The following CHCHD3 variants were observed in gnomAD, a reference collection of about 807,000 sequenced individuals.
CHCHD3 encodes the protein coiled-coil-helix-coiled-coil-helix domain containing 3, also known as MICOS complex subunit MIC19.
In CHCHD3, 20 loss-of-function variants were observed where a neutral mutation model predicts 38.2. The observed-to-expected ratio is 0.52, with a 90% CI of 0.37 to 0.76. CHCHD3 has a LOEUF of 0.76. Ranked by LOEUF, CHCHD3 falls within the 30% of genes least tolerant of loss-of-function variation. The probability of loss-of-function intolerance (pLI) is 0.00; values close to 1 mark genes in which losing one functional copy is unlikely to be tolerated. For synonymous variants in CHCHD3, 82 were observed against 100.0 expected, an observed-to-expected ratio of 0.82 and a Z score of 1.07; for missense variants, 245 against 279.2, an observed-to-expected ratio of 0.88 and a Z score of 0.87.
intron 3 of CHCHD3, among the ~76,000 whole-genome samples, chr7:132,982,731 TG>T (rs1260290531): frequency 6.6e-6 from 1 of 152,214 alleles, no homozygotes; most frequent in Non-Finnish European, 1.5e-5. Context: ...ATATTTCGGA[TG>T]AAAAGCTGAG....
chr7:132,854,923 G>A (rs1467683254), intron 5 of CHCHD3, among the ~76,000 whole-genome samples: 1 of 152,184 alleles, frequency 6.6e-6, no homozygotes, highest in South Asian at 2.1e-4. Flanking sequence ...TAGGAGAGCT[G>A]GTTGAGTCTT....
intron 6 of CHCHD3, among the ~76,000 whole-genome samples, chr7:132,806,274 G>A (rs946431089): frequency 8.5e-5 from 13 of 152,206 alleles, no homozygotes; most frequent in African/African-American, 3.1e-4. Context: ...CAGAGAGCGT[G>A]AGGCAGAAGC....
intron 5 of CHCHD3, among the ~76,000 whole-genome samples, chr7:132,864,104 G>A (rs1423054581): frequency 2.6e-5 from 4 of 152,156 alleles, no homozygotes. Flanking sequence ...GGTGCAAACG[G>A]CACAGCTTTT....
At chr7:132,817,527 G>GAGCT (rs1807230720) in intron 6 of CHCHD3, among the ~76,000 whole-genome samples, 1 of 152,110 alleles carries the variant, frequency 6.6e-6, no homozygotes. Context: ...CCACTACTTG[G>GAGCT]AGCTATTGCA....
At chr7:132,990,429 A>G (rs556794308) in intron 3 of CHCHD3, among the ~76,000 whole-genome samples, 10 of 152,278 alleles carry the variant, frequency 6.6e-5, no homozygotes, top group African/African-American at 2.4e-4. Context: ...TCATAAGCCA[A>G]CTATCAACTC....
intron 3 of CHCHD3, among the ~76,000 whole-genome samples, chr7:133,012,414 T>A (rs891135027): frequency 1.3e-5 from 2 of 152,164 alleles, no homozygotes; most frequent in African/African-American, 4.8e-5. Flanking sequence ...CAATCTAAAT[T>A]TCTTATTTAT....
chr7:132,802,782 T>C (rs1013857299), intron 6 of CHCHD3, among the ~76,000 whole-genome samples: 2 of 152,160 alleles, frequency 1.3e-5, no homozygotes, highest in Admixed American at 1.3e-4. Context: ...ATGAACTCAA[T>C]CTGGAAGGAC....
chr7:133,024,014 T>C (rs1308029357), intron 3 of CHCHD3, among the ~76,000 whole-genome samples: 1 of 152,208 alleles, frequency 6.6e-6, no homozygotes, highest in East Asian at 1.9e-4. Context: ...TCTCGAGCAA[T>C]AAAATGTTAA....
At chr7:132,979,342 C>T (rs188215036) in intron 3 of CHCHD3, among the ~76,000 whole-genome samples, 2 of 152,078 alleles carry the variant, frequency 1.3e-5, no homozygotes, top group African/African-American at 4.8e-5. Flanking sequence ...AAACTACACA[C>T]TGGAATTCAT....
At chr7:132,923,648 A>T (rs537884352) in intron 4 of CHCHD3, among the ~76,000 whole-genome samples, 1 of 152,302 alleles carries the variant, frequency 6.6e-6, no homozygotes, top group East Asian at 1.9e-4. Flanking sequence ...ATAAAATAGT[A>T]CAACAAATCA....
At chr7:133,040,421 C>T (rs1053692262) in intron 2 of CHCHD3, among the ~76,000 whole-genome samples, 1 of 152,084 alleles carries the variant, frequency 6.6e-6, no homozygotes, top group African/African-American at 2.4e-5. Flanking sequence ...GGGAGGGGTA[C>T]CCTTCCAGTA....
At chr7:132,901,460 GAGGCAA>G (rs1809665515) in intron 4 of CHCHD3, among the ~76,000 whole-genome samples, 1 of 152,194 alleles carries the variant, frequency 6.6e-6, no homozygotes, top group South Asian at 2.1e-4. Flanking sequence ...AAGCCACCCT[GAGGCAA>G]AGGCAAAGGC....
chr7:133,048,336 C>A (rs759602624), intron 2 of CHCHD3, among the ~76,000 whole-genome samples: 1 of 152,092 alleles, frequency 6.6e-6, no homozygotes, highest in Non-Finnish European at 1.5e-5. Context: ...TAATTTTAAT[C>A]CATCATTGAG....
At chr7:132,981,539 C>T (rs1811918735) in intron 3 of CHCHD3, among the ~76,000 whole-genome samples, 1 of 152,172 alleles carries the variant, frequency 6.6e-6, no homozygotes, top group African/African-American at 2.4e-5. Flanking sequence ...GTGTATACTA[C>T]ACTAAGTCAG....
intron 2 of CHCHD3, among the ~76,000 whole-genome samples, chr7:133,053,644 T>A (rs920324555): frequency 2.6e-5 from 4 of 152,218 alleles, no homozygotes; most frequent in African/African-American, 9.6e-5. Flanking sequence ...AAGACGTTAA[T>A]CTGAAGCATC....
At chr7:132,860,281 T>C (rs1446357913) in intron 5 of CHCHD3, among the ~76,000 whole-genome samples, 1 of 142,434 alleles carries the variant, frequency 7.0e-6, no homozygotes. Context: ...ATAAACAGAT[T>C]TTTTTTTATA....
At chr7:133,007,955 T>C (rs548979380) in intron 3 of CHCHD3, among the ~76,000 whole-genome samples, 18 of 152,240 alleles carry the variant, frequency 1.2e-4, no homozygotes, top group Non-Finnish European at 1.9e-4. Flanking sequence ...ATTTACAGGA[T>C]AACCTTTCCA....
intron 6 of CHCHD3, among the ~76,000 whole-genome samples, chr7:132,812,279 C>T (rs998960635): frequency 7.2e-6 from 1 of 139,806 alleles, no homozygotes; most frequent in African/African-American, 2.6e-5. Flanking sequence ...TGCAATCTCA[C>T]CTCACTGCAA....
intron 4 of CHCHD3, among the ~76,000 whole-genome samples, chr7:132,896,145 T>C (rs1809489085): frequency 6.6e-6 from 1 of 152,198 alleles, no homozygotes; most frequent in African/African-American, 2.4e-5. Flanking sequence ...GTGGCTCAAA[T>C]CTTTGTAATG....
Sources: gnomAD v4.1 joint callset for allele counts (sites outside exome capture counted in the v4.1 genomes callset) on GRCh38, gnomAD v4.1.1 for gene constraint, MANE v1.5 for transcripts, NCBI Gene and HGNC (gene_info 2026-07-23, HGNC 2026-07-21) for gene names.